Variants in MBNL2 observed in about 807,000 individuals in gnomAD.
MBNL2 encodes the protein muscleblind-like protein 2.
A neutral mutation model predicts 41.9 loss-of-function variants in MBNL2; 17 were observed. That is an observed-to-expected ratio of 0.41 (90% CI 0.28 to 0.61). MBNL2 has a LOEUF of 0.61. Among genes scored for constraint, MBNL2 ranks in the 20% least tolerant of loss-of-function variants. The pLI is 0.35. For missense variants in MBNL2, 336 were observed against 505.6 expected, an observed-to-expected ratio of 0.66 and a Z score of 3.22; for synonymous variants, 195 against 182.9, an observed-to-expected ratio of 1.07 and a Z score of -0.53.
chr13:97,163,069 TCAACAACAC>T, the MBNL2 span, among the ~76,000 whole-genome samples: 4 of 152,132 alleles, frequency 2.6e-5, no homozygotes, highest in East Asian at 5.8e-4. Context: ...ACCACCACTC[TCAACAACAC>T]CAACAACAAA....
At chr13:97,215,842 C>G in the MBNL2 span, among the ~76,000 whole-genome samples, 1 of 152,070 alleles carries the variant, frequency 6.6e-6, no homozygotes, top group Non-Finnish European at 1.5e-5. Flanking sequence ...TTAGTTATCA[C>G]TTTTTTGGCA....
chr13:97,330,588 A>T (rs911286040), intron 2 of MBNL2, among the ~76,000 whole-genome samples: 2 of 152,188 alleles, frequency 1.3e-5, no homozygotes, highest in African/African-American at 4.8e-5. Flanking sequence ...AAATCAGAAG[A>T]CACTATTTTT....
At chr13:97,232,877 G>A (rs1196627705) in intron 1 of MBNL2, among the ~76,000 whole-genome samples, 2 of 149,538 alleles carry the variant, frequency 1.3e-5, no homozygotes, top group Non-Finnish European at 3.0e-5. Context: ...GTGTGTGTGT[G>A]TGTGTGTGTG....
intron 8 of MBNL2, among the ~76,000 whole-genome samples, chr13:97,369,185 A>T (rs985999668): frequency 6.6e-6 from 1 of 152,230 alleles, no homozygotes; most frequent in Non-Finnish European, 1.5e-5. Context: ...CAGTCATAGG[A>T]AACCCAGGGC....
chr13:97,142,107 G>C, the MBNL2 span, among the ~76,000 whole-genome samples: 1 of 152,072 alleles, frequency 6.6e-6, no homozygotes, highest in Non-Finnish European at 1.5e-5. Context: ...AAAACTAATG[G>C]GGTAAAAACT....
the MBNL2 span, among the ~76,000 whole-genome samples, chr13:97,152,030 G>A: frequency 2.0e-5 from 3 of 152,076 alleles, no homozygotes; most frequent in African/African-American, 7.2e-5. Context: ...CAACCTGAAA[G>A]TCAGAGATGA....
intron 8 of MBNL2, among the ~76,000 whole-genome samples, chr13:97,382,672 A>ATT (rs72001733): frequency 1.3e-4 from 16 of 125,608 alleles, no homozygotes; most frequent in African/African-American, 1.5e-4. Flanking sequence ...TCTGCCAACT[A>ATT]TTTTTTTTTT....
At chr13:97,221,484 G>C (rs1256112969), upstream of MBNL2, 2 of 152,172 alleles carry the variant, frequency 1.3e-5, no homozygotes, top group Admixed American at 6.5e-5. Flanking sequence ...GGCACCTCAT[G>C]GGGGCCCTTG....
chr13:97,381,548 A>G (rs1250225238), intron 8 of MBNL2, among the ~76,000 whole-genome samples: 1 of 151,856 alleles, frequency 6.6e-6, no homozygotes, highest in Non-Finnish European at 1.5e-5. Context: ...TCTTCAATTT[A>G]TTACTGGGAG....
At chr13:97,344,049 G>A (rs1184852836) in intron 4 of MBNL2, among the ~76,000 whole-genome samples, 2 of 152,136 alleles carry the variant, frequency 1.3e-5, no homozygotes, top group Admixed American at 6.5e-5. Flanking sequence ...CAGGTGATCC[G>A]CCAGCCTCGG....
intron 7 of MBNL2, among the ~76,000 whole-genome samples, chr13:97,358,424 C>G (rs1275348819): frequency 6.6e-6 from 1 of 151,086 alleles, no homozygotes; most frequent in Non-Finnish European, 1.5e-5. Flanking sequence ...CACCTGGGCC[C>G]GCCTATATAT....
chr13:97,155,449 G>A, the MBNL2 span, among the ~76,000 whole-genome samples: 3 of 149,484 alleles, frequency 2.0e-5, no homozygotes, highest in Admixed American at 6.7e-5. Context: ...ACATTGTGCA[G>A]GTTAGTTACA....
chr13:97,346,879 A>C lies in MBNL2; in HGVS notation c.616A>C (p.Thr206Pro). The C allele has an allele frequency of 6.2e-7, 1 of 1,614,028 alleles. No homozygotes were observed. Residue 206 changes from threonine (T) to proline (P), a missense_variant, in exon 5 of 9, where the codon ACC (threonine) becomes CCC (proline). By Grantham distance (38) the Thr-to-Pro change is conservative. Transcript: ENST00000679496. This position sits in a 1 kb window ranked among gnomAD's most constrained non-coding sequence, Gnocchi z 4.2. ...DCRFAHPADS[T>P]MIDTSDNTVT... ...CCGCTTTGCACACCCCGCAGACAGC[A>C]CCATGATCGACACAAGTGACAACAC...
rs550910760 is a variant in MBNL2 at position 97,241,549 on chromosome 13, C to T, written c.-605+19018C>T. The stretch of plus-strand genomic sequence containing the variant: ...TCCATTGTGAATCATTTTCAAAAGG[C>T]TTAGTCCTTTCATTCAGAGCACTGA... On this transcript the variant is annotated intron_variant, in intron 1 of 8. Transcript: ENST00000679496. 2.0e-5 allele frequency among the ~76,000 whole-genome samples: 3 copies of T among 152,330 alleles called. No individual in the cohort carries two copies. In the South Asian group the frequency reaches 6.2e-4, roughly 32 times the overall value.
chr13:97,163,628 A>T, the MBNL2 span, among the ~76,000 whole-genome samples: 1 of 152,126 alleles, frequency 6.6e-6, no homozygotes, highest in Non-Finnish European at 1.5e-5. Context: ...CTGAATACCC[A>T]CTGGGTGATT....
chr13:97,287,397 G>T (rs1297234734), intron 2 of MBNL2, among the ~76,000 whole-genome samples: 2 of 152,104 alleles, frequency 1.3e-5, no homozygotes, highest in South Asian at 2.1e-4. Context: ...AAGGCTGTTT[G>T]TTTAAACTGA....
At chr13:97,335,612 C>T (rs1395775523) in intron 3 of MBNL2, among the ~76,000 whole-genome samples, 1 of 151,780 alleles carries the variant, frequency 6.6e-6, no homozygotes, top group African/African-American at 2.4e-5. Flanking sequence ...GCAGAGGGCT[C>T]CAAGATAAAT....
intron 2 of MBNL2, among the ~76,000 whole-genome samples, chr13:97,293,145 T>G (rs2056448710): frequency 6.6e-6 from 1 of 152,172 alleles, no homozygotes. Context: ...GTAGAATATT[T>G]AGTTCTGTTC....
Position 97,285,028 on chromosome 13 carries a change from ATATT to A in MBNL2, c.174+8623_174+8626del, listed in dbSNP as rs145646932. 6.3e-3 allele frequency among the ~76,000 whole-genome samples: 956 copies of A among 152,346 alleles called. 8 individuals are homozygous for A. Among genetic ancestry groups the A allele is most frequent in the African/African-American group, 0.022 (908 of 41,582 alleles). ...TTAAGGTGTAAGGAGAAAGAAAGAA[ATATT>A]TATCATGTTACAGGATTTGTGTAAT... On this transcript the variant is annotated intron_variant, in intron 2 of 8. Transcript: ENST00000679496.
Sources: gnomAD v4.1 joint callset for allele counts (sites outside exome capture counted in the v4.1 genomes callset) on GRCh38, gnomAD v4.1.1 for gene constraint, Gnocchi (gnomAD v3.1) non-coding constraint, MANE v1.5 for transcripts, NCBI Gene and HGNC (gene_info 2026-07-23, HGNC 2026-07-21) for gene names.